Variants in CNTNAP5 observed in about 807,000 individuals in gnomAD.
CNTNAP5 encodes the protein contactin-associated protein-like 5.
CNTNAP5 carries 72 observed loss-of-function variants against 150.2 expected under a neutral mutation model. The ratio of observed to expected loss-of-function variants is 0.48; its 90% CI spans 0.40 to 0.58. The LOEUF is 0.58. Ranked by LOEUF, CNTNAP5 falls within the 20% of genes least tolerant of loss-of-function variation. The pLI, the probability that CNTNAP5 is intolerant of heterozygous loss-of-function variation, is 0.00. For synonymous variants in CNTNAP5, 672 were observed against 619.8 expected (o/e 1.08, Z -1.25); for missense variants, 1,636 against 1,626.2 (o/e 1.01, Z -0.10).
chr2:124,576,822 G>A (rs886344463), intron 11 of CNTNAP5, among the ~76,000 whole-genome samples: 3 of 152,174 alleles, frequency 2.0e-5, no homozygotes, highest in East Asian at 3.9e-4. Flanking sequence ...AAGAGATTAT[G>A]CTTAGAGTGG....
At chr2:124,444,100 G>A (rs1012960275) in intron 5 of CNTNAP5, among the ~76,000 whole-genome samples, 4 of 151,906 alleles carry the variant, frequency 2.6e-5, no homozygotes, top group Non-Finnish European at 4.4e-5. Flanking sequence ...GTGGGGTGGC[G>A]GTGGTGGTGT....
Position 124,094,948 on chromosome 2 carries a change from C to T in CNTNAP5, c.82+69216C>T, listed in dbSNP as rs1200348842. On this transcript the variant is annotated intron_variant, in intron 1 of 23. Coordinates refer to ENST00000682447, the MANE Select transcript of CNTNAP5 (RefSeq NM_001367498.1). ...AATCCACCATGGTGGGCACTGCTGC[C>T]CTCAGTGCTCCTGTAGGATTTTACC... is the stretch of plus-strand genomic sequence containing the variant. 4.6e-5 allele frequency among the ~76,000 whole-genome samples: 7 copies of T among 152,146 alleles called. No homozygotes were observed. The East Asian group carries it at 1.2e-3, about 25-fold the overall frequency.
intron 3 of CNTNAP5, among the ~76,000 whole-genome samples, chr2:124,319,146 T>C (rs1048599547): frequency 2.6e-5 from 4 of 152,260 alleles, no homozygotes; most frequent in Non-Finnish European, 4.4e-5. Context: ...GTTGAGTGAA[T>C]GACAAGATAC....
At chr2:124,107,422 A>G (rs890677709) in intron 1 of CNTNAP5, among the ~76,000 whole-genome samples, 1 of 152,254 alleles carries the variant, frequency 6.6e-6, no homozygotes, top group South Asian at 2.1e-4. Context: ...TTGACTCAGT[A>G]CAACACAACT....
chr2:124,111,132 T>C (rs1442980387), intron 1 of CNTNAP5, among the ~76,000 whole-genome samples: 1 of 152,168 alleles, frequency 6.6e-6, no homozygotes, highest in Non-Finnish European at 1.5e-5. Flanking sequence ...CCTGTTATTA[T>C]CTGGCTGGAA....
chr2:124,515,367 C>T (rs773443806), intron 8 of CNTNAP5, among the ~76,000 whole-genome samples: 7 of 152,114 alleles, frequency 4.6e-5, no homozygotes, highest in Non-Finnish European at 8.8e-5. Flanking sequence ...CTAACATGGA[C>T]GGATTGTTAA....
chr2:124,835,330 T>G (rs1682806911), intron 19 of CNTNAP5, among the ~76,000 whole-genome samples: 1 of 152,146 alleles, frequency 6.6e-6, no homozygotes, highest in Non-Finnish European at 1.5e-5. Context: ...CCTTTGGGTC[T>G]CAATTATTGC....
In CNTNAP5 at chr2:124,561,075, C is replaced by T. The variant is rs146667227; in HGVS notation, c.1650-2142C>T. Reference sequence around the variant, plus strand: ...TGGGGGAGGGCAGCAATAATACTATCATTTGCTCATATGGAAATCTCTGTT... The same window carrying T: ...TGGGGGAGGGCAGCAATAATACTATTATTTGCTCATATGGAAATCTCTGTT... On this transcript the variant is annotated intron_variant, in intron 10 of 23. Coordinates refer to ENST00000682447, the MANE Select transcript of CNTNAP5 (RefSeq NM_001367498.1). Among the ~76,000 whole-genome samples, 737 of 151,978 alleles carry T rather than the reference C, an allele frequency of 4.8e-3. 1 individual carries two copies. Among genetic ancestry groups the T allele is most frequent in the Non-Finnish European group, 8.2e-3 (560 of 67,992 alleles).
At chr2:124,352,948 T>C (rs1689909143) in intron 3 of CNTNAP5, among the ~76,000 whole-genome samples, 1 of 152,166 alleles carries the variant, frequency 6.6e-6, no homozygotes, top group Admixed American at 6.5e-5. Flanking sequence ...AGTGATGCTT[T>C]GGGCCTCTGT....
intron 19 of CNTNAP5, among the ~76,000 whole-genome samples, chr2:124,863,447 A>G (rs2104718152): frequency 6.6e-6 from 1 of 152,316 alleles, no homozygotes; most frequent in East Asian, 1.9e-4. Context: ...GTAAAATAAC[A>G]AAAATAATAA....
chr2:124,864,467 CT>C (rs1677587694), intron 19 of CNTNAP5, among the ~76,000 whole-genome samples: 1 of 149,218 alleles, frequency 6.7e-6, no homozygotes, highest in Non-Finnish European at 1.5e-5. Context: ...TCCCATCTAG[CT>C]TAATCTTATT....
intron 1 of CNTNAP5, among the ~76,000 whole-genome samples, chr2:124,128,676 G>A (rs1345779610): frequency 6.6e-6 from 1 of 152,126 alleles, no homozygotes; most frequent in Admixed American, 6.5e-5. Flanking sequence ...GTCCATCAAT[G>A]ATATACTGGA....
chr2:124,881,011 A>G (rs1290139931), intron 21 of CNTNAP5, among the ~76,000 whole-genome samples: 1 of 152,144 alleles, frequency 6.6e-6, no homozygotes, highest in Non-Finnish European at 1.5e-5. Context: ...AACAGTAAAT[A>G]GGCCATCTGA....
intron 3 of CNTNAP5, among the ~76,000 whole-genome samples, chr2:124,348,154 C>A (rs1159992637): frequency 6.6e-6 from 1 of 152,024 alleles, no homozygotes; most frequent in Non-Finnish European, 1.5e-5. Context: ...CAAGTCTTAT[C>A]TTTATTTTGT....
At chr2:124,753,062 A>G (rs79028061) in intron 14 of CNTNAP5, among the ~76,000 whole-genome samples, 178 of 152,348 alleles carry the variant, frequency 1.2e-3, no homozygotes, top group African/African-American at 3.9e-3. Flanking sequence ...AGAAGAAAGT[A>G]CAGAAGTTTT....
chr2:124,492,680 T>C (rs1207205557), intron 7 of CNTNAP5, among the ~76,000 whole-genome samples: 4 of 152,194 alleles, frequency 2.6e-5, no homozygotes, highest in African/African-American at 4.8e-5. Context: ...ATGAACATTG[T>C]AACAATATTT....
intron 11 of CNTNAP5, among the ~76,000 whole-genome samples, chr2:124,569,360 A>G (rs1419668332): frequency 2.6e-5 from 4 of 152,204 alleles, no homozygotes; most frequent in African/African-American, 9.7e-5. Context: ...TGAATTCCAG[A>G]TTAAAAAAAG....
At chr2:124,629,833 A>G (rs1677808849) in intron 12 of CNTNAP5, among the ~76,000 whole-genome samples, 3 of 150,070 alleles carry the variant, frequency 2.0e-5, no homozygotes, top group East Asian at 1.9e-4. Flanking sequence ...GACTAACAAG[A>G]AGAGAGAAGA....
chr2:124,706,659 A>G (rs1199202386), intron 13 of CNTNAP5, among the ~76,000 whole-genome samples: 2 of 151,634 alleles, frequency 1.3e-5, no homozygotes, highest in African/African-American at 2.4e-5. Context: ...AGGCAGGAGA[A>G]TGACTTGAAC....
Sources: gnomAD v4.1 joint callset for allele counts (sites outside exome capture counted in the v4.1 genomes callset) on GRCh38, gnomAD v4.1.1 for gene constraint, MANE v1.5 for transcripts, NCBI Gene and HGNC (gene_info 2026-07-23, HGNC 2026-07-21) for gene names.